The following PCSK6 variants were observed in gnomAD, a reference collection of about 807,000 sequenced individuals.
PCSK6 encodes proprotein convertase subtilisin/kexin type 6.
PCSK6 carries 85 observed loss-of-function variants against 123.3 expected under a neutral mutation model. The ratio of observed to expected loss-of-function variants is 0.69; its 90% CI spans 0.58 to 0.83. The LOEUF is 0.83. Among genes scored for constraint, PCSK6 ranks in the 40% least tolerant of loss-of-function variants. PCSK6 has a pLI of 0.00. For synonymous variants in PCSK6, 508 were observed against 516.0 expected (o/e 0.98, Z 0.21); for missense variants, 1,191 against 1,282.3 (o/e 0.93, Z 1.09).
intron 2 of PCSK6, among the ~76,000 whole-genome samples, 187 bp downstream of exon 2, chr15:101,443,367 TGA>T (rs1203778375): frequency 6.6e-6 from 1 of 152,254 alleles, no homozygotes; most frequent in Non-Finnish European, 1.5e-5. Flanking sequence ...TTTAAAATGC[TGA>T]GAGATCCTCA....
chr15:101,324,648 G>C (rs968060900), intron 17 of PCSK6, among the ~76,000 whole-genome samples: 6 of 152,232 alleles, frequency 3.9e-5, no homozygotes, highest in Non-Finnish European at 5.9e-5. Context: ...TCCTGGCCAG[G>C]TCTGTGGGGA....
At chr15:101,357,879 C>G (rs558386036) in intron 13 of PCSK6, among the ~76,000 whole-genome samples, 62 of 152,192 alleles carry the variant, frequency 4.1e-4, no homozygotes, top group Non-Finnish European at 7.6e-4. Context: ...ACTGCAGGCC[C>G]CCATCCACAC....
rs73477039 is a variant in PCSK6 at position 101,366,601 on chromosome 15, T to C, written c.1722-269A>G. The stretch of plus-strand genomic sequence containing the variant: ...AAGGCAGGCAGGCAGGCAGGTTTCA[T>C]ATAACCCAGTGAAAGATGTTTACAA... On this transcript the variant is annotated intron_variant, in intron 12 of 21. Transcript: ENST00000611716. Among the ~76,000 whole-genome samples the C allele has an allele frequency of 8.8e-3, 1,334 of 152,232 alleles. 12 individuals are homozygous for C. The highest frequency in any genetic ancestry group is 0.031 in the African/African-American group (1,268 of 41,530).
intron 10 of PCSK6, 41 bp from the exon 11 acceptor site, chr15:101,382,250 TCCCAG>T: frequency 6.8e-7 from 1 of 1,461,016 alleles, no homozygotes; most frequent in Non-Finnish European, 9.4e-7. Flanking sequence ...CTCCTGCCTC[TCCCAG>T]GAAGGGAGCA....
chr15:101,348,584 C>T (rs896880032), intron 13 of PCSK6, among the ~76,000 whole-genome samples: 4 of 152,198 alleles, frequency 2.6e-5, no homozygotes, highest in Admixed American at 1.3e-4. Flanking sequence ...TCAAGAAACA[C>T]TTCTTGGTGT....
intron 13 of PCSK6, among the ~76,000 whole-genome samples, chr15:101,343,635 T>C (rs2040668263): frequency 6.6e-6 from 1 of 152,252 alleles, no homozygotes. Context: ...AATTTTCAAA[T>C]GTATGGAAAC....
intron 18 of PCSK6, among the ~76,000 whole-genome samples, chr15:101,320,149 G>A (rs527372174): frequency 6.6e-6 from 1 of 152,070 alleles, no homozygotes; most frequent in East Asian, 1.9e-4. Context: ...GCAGTGGCAC[G>A]ATCTCAGCTC....
intron 13 of PCSK6, among the ~76,000 whole-genome samples, chr15:101,356,301 C>A (rs1275491412): frequency 6.6e-6 from 1 of 152,052 alleles, no homozygotes; most frequent in Non-Finnish European, 1.5e-5. Context: ...CTCTTCCACA[C>A]CCACACTGTG....
chr15:101,319,451 C>T (rs538252244), intron 18 of PCSK6, among the ~76,000 whole-genome samples: 15 of 152,242 alleles, frequency 9.9e-5, no homozygotes, highest in African/African-American at 3.6e-4. Context: ...GCACACAGCT[C>T]CTAAAACCCT....
chr15:101,324,971 C>T lies in PCSK6; in HGVS notation c.2256G>A (p.Gly752=), dbSNP rs777184299. Residue 752 remains glycine (G), a synonymous_variant, in exon 17 of 22, where the codon GGG becomes GGA. Transcript: ENST00000611716. Reference sequence around the variant, plus strand: ...CAGCTCTGCTGGAGCAGGTCTCACACCCCTTGTGGCACCGGCGACAGCGTC... The same window carrying T: ...CAGCTCTGCTGGAGCAGGTCTCACATCCCTTGTGGCACCGGCGACAGCGTC... ...AARRCRRCHK[G]CETCSSRAAT... 2.5e-6 allele frequency: 4 copies of T among 1,613,222 alleles called. No homozygotes were observed. Among genetic ancestry groups the T allele is most frequent in the Middle Eastern group, 1.6e-4 (1 of 6,062 alleles).
At chr15:101,476,980 C>T (rs761993691) in intron 1 of PCSK6, among the ~76,000 whole-genome samples, 3 of 152,124 alleles carry the variant, frequency 2.0e-5, no homozygotes, top group African/African-American at 4.8e-5. Flanking sequence ...GGGGAAGCAG[C>T]GCAGTGGCAG....
chr15:101,331,295 C>T (rs942343220), intron 15 of PCSK6, among the ~76,000 whole-genome samples: 2 of 152,234 alleles, frequency 1.3e-5, no homozygotes, highest in East Asian at 1.9e-4. Context: ...ATCTGTGAAG[C>T]ATCAGTATCT....
chr15:101,311,121 T>G (rs1429330002), intron 20 of PCSK6, among the ~76,000 whole-genome samples: 1 of 151,948 alleles, frequency 6.6e-6, no homozygotes, highest in Non-Finnish European at 1.5e-5. Flanking sequence ...TGACTTTTTT[T>G]TTTCTTTTGA....
chr15:101,453,667 C>T (rs1314248685), intron 1 of PCSK6, among the ~76,000 whole-genome samples: 1 of 152,228 alleles, frequency 6.6e-6, no homozygotes, highest in Non-Finnish European at 1.5e-5. Flanking sequence ...TGCCTGCAGG[C>T]TACAGGCAGC....
In PCSK6 at chr15:101,431,998, A is replaced by G; in HGVS notation, c.505T>C (p.Trp169Arg). 1 of 1,610,756 alleles carries G rather than the reference A, an allele frequency of 6.2e-7. No individual in the cohort carries two copies. Among genetic ancestry groups the G allele is most frequent in the Non-Finnish European group, 8.5e-7 (1 of 1,177,386 alleles). ...YFNDPIWSNMWYLHCGDKNSR... is the reference protein window; with the variant it reads ...YFNDPIWSNMRYLHCGDKNSR... ...GGTCCTGTCCTACTCACCAGGTACC[A>G]CATGTTGGACCAAATGGGGTCGTTG... Residue 169 changes from tryptophan (W) to arginine (R), a missense_variant, in exon 3 of 22, where the codon TGG becomes CGG. Trp to Arg is a moderately radical substitution (Grantham distance 101). Coordinates refer to ENST00000611716, the MANE Select transcript of PCSK6 (RefSeq NM_002570.5).
intron 2 of PCSK6, among the ~76,000 whole-genome samples, chr15:101,433,918 C>G (rs866627527): frequency 1.4e-5 from 2 of 148,022 alleles, no homozygotes; most frequent in African/African-American, 2.5e-5. Context: ...CGATGTAATT[C>G]GTCTATAAAA....
intron 20 of PCSK6, chr15:101,312,915 G>T: frequency 2.3e-6 from 1 of 431,348 alleles, no homozygotes; most frequent in Non-Finnish European, 3.3e-6. Context: ...TGAGGCATGA[G>T]AGTTGCTTGA....
At chr15:101,462,663 C>G (rs2057365722) in intron 1 of PCSK6, among the ~76,000 whole-genome samples, 1 of 152,136 alleles carries the variant, frequency 6.6e-6, no homozygotes, top group South Asian at 2.1e-4. Context: ...AAAGGAGGAA[C>G]TAATCCACTG....
At chr15:101,460,909 T>C (rs556970011) in intron 1 of PCSK6, among the ~76,000 whole-genome samples, 16 of 152,246 alleles carry the variant, frequency 1.1e-4, no homozygotes, top group African/African-American at 3.9e-4. Flanking sequence ...CCGGGAAAGA[T>C]GTGTGTAACC....
Sources: gnomAD v4.1 joint callset for allele counts (sites outside exome capture counted in the v4.1 genomes callset) on GRCh38, gnomAD v4.1.1 for gene constraint, MANE v1.5 for transcripts, NCBI Gene and HGNC (gene_info 2026-07-23, HGNC 2026-07-21) for gene names.